The following NOX4 variants were observed in gnomAD, a reference collection of about 807,000 sequenced individuals.
The protein encoded by NOX4 is kidney oxidase-1.
Under a neutral mutation model 87.6 loss-of-function variants are expected in NOX4, and 69 were observed. That is an observed-to-expected ratio of 0.79 (90% confidence interval 0.65 to 0.96). The LOEUF is 0.96. Ranked by LOEUF, NOX4 falls within the 40% of genes least tolerant of loss-of-function variation. The probability of loss-of-function intolerance (pLI) is 0.00; values close to 1 mark genes in which losing one functional copy is unlikely to be tolerated. For missense variants in NOX4, 680 were observed against 681.5 expected, an observed-to-expected ratio of 1.00 and a Z score of 0.02; for synonymous variants, 275 against 238.2, an observed-to-expected ratio of 1.15 and a Z score of -1.42.
intron 11 of NOX4, among the ~76,000 whole-genome samples, chr11:89,379,532 G>T (rs1030515084): frequency 3.9e-5 from 6 of 152,114 alleles, no homozygotes; most frequent in Non-Finnish European, 8.8e-5. Flanking sequence ...GTCGTGGAAG[G>T]CAGGGCTGAG....
intron 13 of NOX4, among the ~76,000 whole-genome samples, chr11:89,349,234 C>T (rs1406240865): frequency 6.6e-6 from 1 of 151,858 alleles, no homozygotes; most frequent in African/African-American, 2.4e-5. Context: ...TTGCAGTGAG[C>T]CGAAATTGCA....
intron 8 of NOX4, among the ~76,000 whole-genome samples, chr11:89,407,503 G>A (rs186211933): frequency 7.9e-4 from 120 of 152,182 alleles, no homozygotes; most frequent in African/African-American, 2.6e-3. Context: ...ATTTTATGGA[G>A]TTTCAAAATT....
chr11:89,336,562 C>T (rs1945723868), intron 16 of NOX4, among the ~76,000 whole-genome samples: 1 of 151,914 alleles, frequency 6.6e-6, no homozygotes, highest in African/African-American at 2.4e-5. Context: ...TTGCAATTAA[C>T]AGAGCATTAG....
At chr11:89,551,455 G>A in the NOX4 span, among the ~76,000 whole-genome samples, 2 of 152,050 alleles carry the variant, frequency 1.3e-5, no homozygotes. Context: ...TTTTCCATTT[G>A]TTTGTGTCCT....
At chr11:89,527,331 T>C in the NOX4 span, among the ~76,000 whole-genome samples, 2 of 152,116 alleles carry the variant, frequency 1.3e-5, no homozygotes, top group Non-Finnish European at 2.9e-5. Context: ...CACCTAGCAA[T>C]GCAATAGAAA....
intron 8 of NOX4, among the ~76,000 whole-genome samples, chr11:89,405,115 T>TGTGTGTGTGTGTGTGTG (rs58137988): frequency 1.1e-3 from 159 of 149,910 alleles, no homozygotes; most frequent in South Asian, 2.8e-3. Flanking sequence ...TGTGTGTGTG[T>TGTGTGTGTGTGTGTGTG]TGGAATGGGG....
chr11:89,449,693 A>C (rs1164105368), intron 3 of NOX4, among the ~76,000 whole-genome samples, 169 bp from the exon 4 acceptor site: 5 of 152,158 alleles, frequency 3.3e-5, no homozygotes, highest in Non-Finnish European at 5.9e-5. Flanking sequence ...CACCTAAACC[A>C]TTAAAAAATA....
intron 4 of NOX4, 138 bp from the exon 5 acceptor site, chr11:89,444,370 G>T: frequency 2.9e-6 from 2 of 701,206 alleles, no homozygotes; most frequent in South Asian, 4.0e-5. Flanking sequence ...ACATTGAAAG[G>T]TGAAGTTTTA....
At chr11:89,426,833 G>T (rs1180876694) in intron 7 of NOX4, among the ~76,000 whole-genome samples, 1 of 152,154 alleles carries the variant, frequency 6.6e-6, no homozygotes, top group Non-Finnish European at 1.5e-5. Context: ...AGAAACCTCT[G>T]CAGACTTAAA....
intron 8 of NOX4, among the ~76,000 whole-genome samples, chr11:89,414,529 T>G (rs1228861081): frequency 5.3e-5 from 8 of 151,310 alleles, no homozygotes; most frequent in African/African-American, 1.9e-4. Context: ...CACAGCATTT[T>G]TATCTGCTCC....
Position 89,449,540 on chromosome 11 carries a change from T to A in NOX4, c.265-16A>T. 2 of 1,585,652 alleles carry A rather than the reference T, an allele frequency of 1.3e-6. No individual in the cohort carries two copies. Among genetic ancestry groups the A allele is most frequent in the Non-Finnish European group, 1.7e-6 (2 of 1,156,162 alleles). ...TGCTTGGAACCTAAACAAAAATCATTTAATATGGTAAAAATAATGCAACAA... is the reference window on the plus strand; with the variant it reads ...TGCTTGGAACCTAAACAAAAATCATATAATATGGTAAAAATAATGCAACAA... On this transcript the variant is annotated splice_polypyrimidine_tract_variant and intron_variant, in intron 3 of 17. Transcript: ENST00000263317.
chr11:89,488,824 C>T (rs1946732556), intron 2 of NOX4: 3 of 522,956 alleles, frequency 5.7e-6, no homozygotes, highest in South Asian at 3.1e-5. Context: ...GAAAACAAAA[C>T]CAAAAAGTTA....
At position 89,326,642 on chromosome 11, in the gene NOX4, T is replaced by C; in HGVS notation, c.*114A>G. On this transcript the variant is annotated 3_prime_UTR_variant, in exon 18 of 18. Transcript: ENST00000263317. ...CATTTCCATTTTAAATAATCATAAA[T>C]AAGAAAACCTTACTATTCTTTGGCA... 1.2e-6 allele frequency: 1 copy of C among 820,750 alleles called. No individual in the cohort carries two copies. Among genetic ancestry groups the C allele is most frequent in the Non-Finnish European group, 1.8e-6 (1 of 542,686 alleles). The allele number at this position is 820,750 out of a possible 1,614,324, so 50.8% of individuals were successfully genotyped here. A position where few individuals can be genotyped will look rare whatever the true frequency, so the allele number is the denominator to read the frequency against.
the NOX4 span, among the ~76,000 whole-genome samples, chr11:89,570,567 G>A: frequency 6.6e-6 from 1 of 152,288 alleles, no homozygotes; most frequent in Admixed American, 6.5e-5. Context: ...AAATACTGTG[G>A]CTTATGACTA....
the NOX4 span, among the ~76,000 whole-genome samples, chr11:89,543,249 C>T: frequency 6.6e-6 from 1 of 152,056 alleles, no homozygotes. Flanking sequence ...AGTGAATCTG[C>T]TTGTCAAGAA....
rs182011096 is a variant in NOX4 at position 89,407,109 on chromosome 11, T to G, written c.630-4567A>C. On this transcript the variant is annotated intron_variant, in intron 8 of 17. Coordinates refer to ENST00000263317, the MANE Select transcript of NOX4 (RefSeq NM_016931.5). ...AACCTCTGCATCCCTCTAATACTTTTCTTGCACATAATAGATCTCTAATGC... is the reference window on the plus strand; with the variant it reads ...AACCTCTGCATCCCTCTAATACTTTGCTTGCACATAATAGATCTCTAATGC... 1.3e-3 allele frequency among the ~76,000 whole-genome samples: 198 copies of G among 152,256 alleles called. 1 individual carries two copies. The highest frequency in any genetic ancestry group is 7.3e-3 in the South Asian group (35 of 4,818).
the NOX4 span, among the ~76,000 whole-genome samples, chr11:89,546,039 C>T: frequency 6.6e-6 from 1 of 152,134 alleles, no homozygotes; most frequent in South Asian, 2.1e-4. Flanking sequence ...TTAAAAATTT[C>T]TCTGCATTTT....
intron 8 of NOX4, among the ~76,000 whole-genome samples, chr11:89,416,034 A>G (rs1942748244): frequency 6.6e-6 from 1 of 152,110 alleles, no homozygotes; most frequent in Non-Finnish European, 1.5e-5. Flanking sequence ...GCTCTAGCTC[A>G]AAGTCTACAT....
chr11:89,360,336 TA>T (rs1193673112), intron 12 of NOX4, among the ~76,000 whole-genome samples: 1 of 152,120 alleles, frequency 6.6e-6, no homozygotes, highest in East Asian at 1.9e-4. Flanking sequence ...AAGTAGATCT[TA>T]AGTATTCTTA....
Sources: gnomAD v4.1 joint callset for allele counts (sites outside exome capture counted in the v4.1 genomes callset) on GRCh38, gnomAD v4.1.1 for gene constraint, MANE v1.5 for transcripts, NCBI Gene and HGNC (gene_info 2026-07-23, HGNC 2026-07-21) for gene names.